The following PTPRD variants were observed in gnomAD, a reference collection of about 807,000 sequenced individuals.
PTPRD encodes protein tyrosine phosphatase receptor type D.
A neutral mutation model predicts 214.5 loss-of-function variants in PTPRD; 34 were observed. The ratio of observed to expected loss-of-function variants is 0.16; its 90% CI spans 0.12 to 0.21. The LOEUF (loss-of-function observed/expected upper bound fraction) is 0.21, where lower values mean the gene tolerates loss of function less well. Ranked by LOEUF, PTPRD falls within the 10% of genes least tolerant of loss-of-function variation. The probability of loss-of-function intolerance (pLI) is 1.00; values close to 1 mark genes in which losing one functional copy is unlikely to be tolerated. For synonymous variants in PTPRD, 1,128 were observed against 845.7 expected (o/e 1.33, Z -5.79); for missense variants, 2,545 against 2,398.7 (o/e 1.06, Z -1.27).
chr9:10,057,535 G>A (rs745493782), intron 3 of PTPRD, among the ~76,000 whole-genome samples: 2 of 152,030 alleles, frequency 1.3e-5, no homozygotes, highest in African/African-American at 2.4e-5. Context: ...AGTATTCTTC[G>A]TAAGTTGCTT....
At chr9:9,220,852 C>A (rs1295202206) in intron 9 of PTPRD, among the ~76,000 whole-genome samples, 1 of 152,020 alleles carries the variant, frequency 6.6e-6, no homozygotes, top group African/African-American at 2.4e-5. Flanking sequence ...TATAATAGAT[C>A]CCTCCAGCTT....
At chr9:9,078,645 G>GT (rs138921467) in intron 10 of PTPRD, among the ~76,000 whole-genome samples, 16,125 of 151,774 alleles carry the variant, frequency 0.11, 994 homozygotes, top group East Asian at 0.17. Context: ...TGTTTAGAAG[G>GT]TTTTTTTTAC....
rs976822342 is a variant in PTPRD, at chr9:9,781,461, G to C, written c.-367-14610C>G. Among the ~76,000 whole-genome samples, 6 of 152,282 alleles carry C rather than the reference G, an allele frequency of 3.9e-5. No homozygotes were observed. The East Asian group carries it at 1.2e-3, about 29-fold the overall frequency. On this transcript the variant is annotated intron_variant, in intron 5 of 45. Coordinates refer to ENST00000381196, the MANE Select transcript of PTPRD (RefSeq NM_002839.4). ...AAAGACAACGGTGACATTGGAAGAA[G>C]GAAATCTAGTCAAATTTAATCAAAT...
At chr9:8,897,848 C>G (rs1587643386) in intron 11 of PTPRD, among the ~76,000 whole-genome samples, 1 of 152,140 alleles carries the variant, frequency 6.6e-6, no homozygotes, top group Non-Finnish European at 1.5e-5. Flanking sequence ...CTCTGGCACT[C>G]CAACTCTTTA....
chr9:10,490,121 G>A (rs1006749484), intron 2 of PTPRD, among the ~76,000 whole-genome samples: 2 of 152,062 alleles, frequency 1.3e-5, no homozygotes, highest in Admixed American at 1.3e-4. Flanking sequence ...TTTAAAGTAG[G>A]CTTAATTGTT....
chr9:10,354,391 G>C (rs1271642978), intron 2 of PTPRD, among the ~76,000 whole-genome samples: 3 of 152,144 alleles, frequency 2.0e-5, no homozygotes, highest in Non-Finnish European at 4.4e-5. Context: ...AAAAGGCTAA[G>C]AGAATCAATC....
intron 9 of PTPRD, among the ~76,000 whole-genome samples, chr9:9,206,412 C>A (rs1018699654): frequency 2.0e-5 from 3 of 152,188 alleles, no homozygotes; most frequent in East Asian, 1.9e-4. Flanking sequence ...TTGGGGGAGG[C>A]AAGAGAAATC....
At chr9:9,939,406 A>C (rs1213345969) in intron 4 of PTPRD, among the ~76,000 whole-genome samples, 1 of 152,084 alleles carries the variant, frequency 6.6e-6, no homozygotes, top group African/African-American at 2.4e-5. Flanking sequence ...TGGCTTGTGC[A>C]GTCTTTGATT....
chr9:10,082,297 T>G (rs1325933696), intron 3 of PTPRD, among the ~76,000 whole-genome samples: 1 of 152,136 alleles, frequency 6.6e-6, no homozygotes, highest in East Asian at 1.9e-4. Context: ...TTCACACTTA[T>G]CAAATGAATT....
chr9:8,510,585 T>C (rs1323232831), intron 21 of PTPRD, among the ~76,000 whole-genome samples: 1 of 152,200 alleles, frequency 6.6e-6, no homozygotes, highest in African/African-American at 2.4e-5. Flanking sequence ...AATTGAATTT[T>C]AAAAGCACTG....
intron 5 of PTPRD, chr9:9,803,567 T>C (rs2099054973): frequency 1.3e-5 from 2 of 151,980 alleles, no homozygotes; most frequent in East Asian, 1.9e-4. Context: ...GCAGAGTTAG[T>C]ACTGTTTTAA....
rs1166530719 is a variant in PTPRD, at chr9:8,439,935, A to ATTTTTTTTT, written c.3989-3255_3989-3247dup. Reference sequence around the variant, plus strand: ...CATTTAAATTACTTGATGTGCTTTAATTTTTTTTTTTTTTTTTTTTTTTTT... The same window carrying ATTTTTTTTT: ...CATTTAAATTACTTGATGTGCTTTAATTTTTTTTTTTTTTTTTTTTTTTTTTTTTTTTTT... On this transcript the variant is annotated intron_variant, in intron 34 of 45. Transcript: ENST00000381196. 8.7e-3 allele frequency among the ~76,000 whole-genome samples: 639 copies of ATTTTTTTTT among 73,284 alleles called. 49 individuals carry two copies. The highest frequency in any genetic ancestry group is 0.013 in the Admixed American group (66 of 4,926). 48.1% of individuals were successfully genotyped at this position (73,284 alleles called of 152,430 possible).
intron 11 of PTPRD, among the ~76,000 whole-genome samples, chr9:9,011,031 T>C (rs994160699): frequency 1.3e-5 from 2 of 152,212 alleles, no homozygotes; most frequent in African/African-American, 4.8e-5. Flanking sequence ...AGCATGCTCA[T>C]AATTTAGATT....
chr9:8,840,304 T>C (rs942047732), intron 11 of PTPRD, among the ~76,000 whole-genome samples: 9 of 152,178 alleles, frequency 5.9e-5, no homozygotes, highest in East Asian at 1.9e-4. Flanking sequence ...GTTCTCGTGA[T>C]AGCAAATAAA....
intron 10 of PTPRD, among the ~76,000 whole-genome samples, chr9:9,173,692 A>G (rs68017481): frequency 0.13 from 20,407 of 152,208 alleles, 1,437 homozygotes; most frequent in Middle Eastern, 0.25. Flanking sequence ...AAAATATGCT[A>G]GTATGCTCTT....
chr9:9,215,340 G>A (rs1189350570), intron 9 of PTPRD, among the ~76,000 whole-genome samples: 1 of 152,094 alleles, frequency 6.6e-6, no homozygotes, highest in Non-Finnish European at 1.5e-5. Flanking sequence ...AAGAGAACTG[G>A]ATTTGCCACT....
chr9:9,812,275 C>G (rs1368414449), intron 5 of PTPRD, among the ~76,000 whole-genome samples: 1 of 151,978 alleles, frequency 6.6e-6, no homozygotes, highest in South Asian at 2.1e-4. Context: ...TATACTGGAA[C>G]TGAACCTGTA....
At chr9:8,454,587 G>C (rs756667417) in intron 33 of PTPRD, 1 of 1,612,958 alleles carries the variant, frequency 6.2e-7, no homozygotes, top group Non-Finnish European at 8.5e-7. Context: ...CACCTGTCGG[G>C]TTTACTGCTC....
At chr9:10,369,184 G>T (rs1212556478) in intron 2 of PTPRD, among the ~76,000 whole-genome samples, 1 of 151,942 alleles carries the variant, frequency 6.6e-6, no homozygotes, top group Non-Finnish European at 1.5e-5. Flanking sequence ...TCCTCTTAGG[G>T]TCCATTTATT....
Sources: gnomAD v4.1 joint callset for allele counts (sites outside exome capture counted in the v4.1 genomes callset) on GRCh38, gnomAD v4.1.1 for gene constraint, MANE v1.5 for transcripts, NCBI Gene and HGNC (gene_info 2026-07-23, HGNC 2026-07-21) for gene names.